The following MPRIP variants were observed in gnomAD, a reference collection of about 807,000 sequenced individuals.
The protein encoded by MPRIP is myosin phosphatase Rho-interacting protein.
MPRIP carries 59 observed loss-of-function variants against 234.9 expected under a neutral mutation model. The ratio of observed to expected loss-of-function variants is 0.25; its 90% confidence interval spans 0.20 to 0.31. The LOEUF (loss-of-function observed/expected upper bound fraction) is 0.31. Among genes scored for constraint, MPRIP ranks in the 10% least tolerant of loss-of-function variants. MPRIP has a pLI of 1.00. For synonymous variants in MPRIP, 1,144 were observed against 1,263.9 expected, an observed-to-expected ratio of 0.91 and a Z score of 2.01; for missense variants, 2,436 against 3,071.0, an observed-to-expected ratio of 0.79 and a Z score of 4.89.
At chr17:17,160,171 A>G (rs935032584) in intron 14 of MPRIP, among the ~76,000 whole-genome samples, 29 of 152,176 alleles carry the variant, frequency 1.9e-4, no homozygotes, top group African/African-American at 6.8e-4. Context: ...GATCAAGACC[A>G]TCCGGCCAAC....
intron 14 of MPRIP, among the ~76,000 whole-genome samples, chr17:17,159,909 CA>C (rs1482191344): frequency 6.6e-6 from 1 of 152,230 alleles, no homozygotes; most frequent in African/African-American, 2.4e-5. Context: ...TTACCACCAG[CA>C]CTAATACTTG....
intron 3 of MPRIP, among the ~76,000 whole-genome samples, chr17:17,086,485 TC>T (rs1178734022): frequency 6.6e-6 from 1 of 152,034 alleles, no homozygotes; most frequent in African/African-American, 2.4e-5. Context: ...TGCGGTGGAG[TC>T]TGTGCGATGC....
At chr17:17,085,591 A>G (rs1309769534) in intron 3 of MPRIP, among the ~76,000 whole-genome samples, 1 of 152,070 alleles carries the variant, frequency 6.6e-6, no homozygotes, top group Non-Finnish European at 1.5e-5. Context: ...CTCATCAACA[A>G]CCCCTGCCCC....
At chr17:17,143,320 GAAAGTGACAGTGACTGGGAATCCA>G (rs2045372322) in intron 8 of MPRIP, among the ~76,000 whole-genome samples, 1 of 152,208 alleles carries the variant, frequency 6.6e-6, no homozygotes, top group African/African-American at 2.4e-5. Flanking sequence ...GTGGGGCCAG[GAAAGTGACAGTGACTGGGAATCCA>G]AAAGAAAAGG....
intron 1 of MPRIP, among the ~76,000 whole-genome samples, chr17:17,058,764 G>A (rs1254472456): frequency 6.6e-6 from 1 of 152,232 alleles, no homozygotes. Flanking sequence ...GGGGTTAGAT[G>A]TCGCCTTTTA....
chr17:17,149,729 AAAATATATTTTATAATATATTT>A (rs1398109808), intron 11 of MPRIP: 4 of 103,486 alleles, frequency 3.9e-5, no homozygotes, highest in Non-Finnish European at 9.8e-5. Context: ...TTAAATGTAT[AAAATATATTTTATAATATATTT>A]TAAAATATAT....
At chr17:17,079,289 G>A (rs1263650492) in intron 3 of MPRIP, among the ~76,000 whole-genome samples, 1 of 152,118 alleles carries the variant, frequency 6.6e-6, no homozygotes, top group Non-Finnish European at 1.5e-5. Flanking sequence ...CATTCTTTCC[G>A]GTGAGCATAT....
chr17:17,160,310 G>C (rs888746362), intron 14 of MPRIP, among the ~76,000 whole-genome samples: 3 of 152,186 alleles, frequency 2.0e-5, no homozygotes, highest in Non-Finnish European at 2.9e-5. Context: ...AGGTTGCAGT[G>C]ACCTGAGATC....
chr17:17,184,737 C>A (rs941499779), intron 23 of MPRIP, 86 bp from the exon 24 acceptor site: 4 of 1,001,510 alleles, frequency 4.0e-6, no homozygotes, highest in Non-Finnish European at 1.6e-6. Flanking sequence ...GCCGGCTCCA[C>A]CAGCGGTCCG....
At chr17:17,055,962 A>G (rs532398512) in intron 1 of MPRIP, among the ~76,000 whole-genome samples, 26 of 152,318 alleles carry the variant, frequency 1.7e-4, no homozygotes, top group Admixed American at 1.5e-3. Context: ...GTAGTATAAT[A>G]TGCCTAGAGC....
In MPRIP at chr17:17,164,306, G is replaced by A. The variant is rs939788792; in HGVS notation, c.2715G>A (p.Arg905=). Residue 905 remains arginine (R), a synonymous_variant, in exon 16 of 24, where the codon CGG becomes CGA. Coordinates refer to ENST00000651222, the MANE Select transcript of MPRIP (RefSeq NM_001364716.4). ...CTGAGATCCGGAGCCTTCAGGCACG[G>A]CTCAGCAATGCGGCCGCTGAGCTAG... ...HEAEIRSLQA[R]LSNAAAELAI... 7.7e-7 allele frequency: 1 copy of A among 1,303,952 alleles called. No homozygotes were observed. The highest frequency in any genetic ancestry group is 1.5e-5 in the African/African-American group (1 of 66,006). 80.8% of individuals were successfully genotyped at this position (1,303,952 alleles called of 1,614,324 possible).
At chr17:17,180,576 T>G (rs774659731) in intron 23 of MPRIP, 1 of 1,599,818 alleles carries the variant, frequency 6.3e-7, no homozygotes, top group Non-Finnish European at 8.6e-7. Flanking sequence ...GGATTGGTTG[T>G]GTGTCTCATG....
At chr17:17,133,258 G>A (rs991593111) in intron 5 of MPRIP, among the ~76,000 whole-genome samples, 1 of 152,182 alleles carries the variant, frequency 6.6e-6, no homozygotes, top group African/African-American at 2.4e-5. Flanking sequence ...CAACCTTGCG[G>A]GGTCTCTCCT....
At chr17:17,137,307 A>C (rs752377100) in intron 6 of MPRIP, among the ~76,000 whole-genome samples, 1 of 152,184 alleles carries the variant, frequency 6.6e-6, no homozygotes, top group Non-Finnish European at 1.5e-5. Flanking sequence ...TGAGGTCAGG[A>C]GTTTGAGACC....
intron 1 of MPRIP, among the ~76,000 whole-genome samples, chr17:17,049,464 CCTT>C (rs1374500501): frequency 2.0e-5 from 3 of 152,298 alleles, no homozygotes; most frequent in Middle Eastern, 6.8e-3. Flanking sequence ...GCCTTCTGCT[CCTT>C]GTGTCACCTG....
chr17:17,067,331 C>G (rs1454417177), intron 1 of MPRIP, among the ~76,000 whole-genome samples: 1 of 152,084 alleles, frequency 6.6e-6, no homozygotes, highest in East Asian at 1.9e-4. Context: ...GCTTTGGGGC[C>G]ATTATGTATA....
intron 3 of MPRIP, among the ~76,000 whole-genome samples, chr17:17,101,694 T>A (rs892939381): frequency 6.6e-6 from 1 of 152,238 alleles, no homozygotes; most frequent in African/African-American, 2.4e-5. Context: ...GTGTATATAT[T>A]TTCCTGCCTG....
intron 3 of MPRIP, among the ~76,000 whole-genome samples, chr17:17,092,197 G>A (rs1440016945): frequency 6.6e-6 from 1 of 152,246 alleles, no homozygotes; most frequent in Non-Finnish European, 1.5e-5. Flanking sequence ...ACAAAGTGGG[G>A]CAGATGGCTA....
At chr17:17,100,603 C>T (rs906543772) in intron 3 of MPRIP, among the ~76,000 whole-genome samples, 1 of 151,984 alleles carries the variant, frequency 6.6e-6, no homozygotes, top group African/African-American at 2.4e-5. Flanking sequence ...TTCATAGGAG[C>T]GTGAAGCCAG....
Sources: allele counts gnomAD v4.1 joint callset (sites outside exome capture counted in the v4.1 genomes callset), GRCh38; gene constraint gnomAD v4.1.1; transcripts MANE v1.5; gene names NCBI Gene and HGNC (gene_info 2026-07-23, HGNC 2026-07-21).